Variants in MERTK observed in about 807,000 individuals in gnomAD.
MERTK encodes the protein MER proto-oncogene, tyrosine kinase.
MERTK carries 69 observed loss-of-function variants against 99.3 expected under a neutral mutation model. The observed-to-expected ratio is 0.70, with a 90% confidence interval of 0.57 to 0.85. MERTK has a LOEUF of 0.85. Ranked by LOEUF, MERTK falls within the 40% of genes least tolerant of loss-of-function variation. The pLI is 0.00. For missense variants in MERTK, 1,125 were observed against 1,249.4 expected (o/e 0.90, Z 1.50); for synonymous variants, 426 against 467.6 (o/e 0.91, Z 1.15).
intron 1 of MERTK, among the ~76,000 whole-genome samples, chr2:111,914,206 G>A (rs987869201): frequency 9.5e-5 from 14 of 147,670 alleles, no homozygotes; most frequent in African/African-American, 3.5e-4. Context: ...CCAGGTTCAA[G>A]TGATTCTCCT....
chr2:111,908,659 G>C (rs1684186012), intron 1 of MERTK, among the ~76,000 whole-genome samples: 1 of 152,180 alleles, frequency 6.6e-6, no homozygotes, highest in African/African-American at 2.4e-5. Flanking sequence ...ACCAAAATGG[G>C]AGTATTTTTC....
chr2:111,936,467 T>C (rs1317052899), intron 2 of MERTK, among the ~76,000 whole-genome samples: 1 of 152,230 alleles, frequency 6.6e-6, no homozygotes, highest in Non-Finnish European at 1.5e-5. Context: ...TTGGGGTATA[T>C]ACAAGGGAAG....
chr2:111,980,850 T>A (rs1439282298), intron 7 of MERTK, among the ~76,000 whole-genome samples: 2 of 152,246 alleles, frequency 1.3e-5, no homozygotes, highest in African/African-American at 4.8e-5. Context: ...GAGTTAATTA[T>A]ACCTTCTTCA....
At chr2:111,976,846 T>C (rs1285938990) in intron 7 of MERTK, among the ~76,000 whole-genome samples, 1 of 152,078 alleles carries the variant, frequency 6.6e-6, no homozygotes, top group Non-Finnish European at 1.5e-5. Context: ...TAGCTCTTTT[T>C]CTGTTCTTTT....
intron 4 of MERTK, among the ~76,000 whole-genome samples, chr2:111,957,566 C>G (rs1443778107): frequency 6.6e-6 from 1 of 152,136 alleles, no homozygotes; most frequent in Non-Finnish European, 1.5e-5. Context: ...TCTAATATAT[C>G]ATACATCTTA....
chr2:111,963,137 A>C (rs1685284617), intron 4 of MERTK, among the ~76,000 whole-genome samples: 1 of 152,036 alleles, frequency 6.6e-6, no homozygotes, highest in African/African-American at 2.4e-5. Flanking sequence ...CAAGGTAAAG[A>C]ATTAAGTGCT....
At chr2:111,898,945 G>C (rs1311331778) in intron 1 of MERTK, 149 bp downstream of exon 1, 10 of 880,418 alleles carry the variant, frequency 1.1e-5, no homozygotes, top group Non-Finnish European at 1.7e-5. Context: ...GCCAGAGGAG[G>C]GGGCGTAGGC....
intron 1 of MERTK, among the ~76,000 whole-genome samples, chr2:111,899,701 A>G (rs1684007905): frequency 6.6e-6 from 1 of 152,100 alleles, no homozygotes; most frequent in Non-Finnish European, 1.5e-5. Flanking sequence ...TATTTTTAGT[A>G]GAGACGGGGT....
chr2:111,919,506 A>G (rs764050139), intron 1 of MERTK, among the ~76,000 whole-genome samples: 1 of 152,070 alleles, frequency 6.6e-6, no homozygotes, highest in South Asian at 2.1e-4. Context: ...TTGGAAGAAG[A>G]TAGTGAAAAG....
At chr2:111,936,603 A>G (rs1371844161) in intron 2 of MERTK, among the ~76,000 whole-genome samples, 2 of 152,054 alleles carry the variant, frequency 1.3e-5, no homozygotes, top group Non-Finnish European at 2.9e-5. Context: ...GCCAGGAGTC[A>G]TCTTTGATTA....
chr2:111,949,868 G>A (rs80008554), intron 4 of MERTK, among the ~76,000 whole-genome samples: 56 of 152,194 alleles, frequency 3.7e-4, no homozygotes, highest in African/African-American at 1.2e-3. Flanking sequence ...CATACTTTCC[G>A]TGGCTTCTTC....
At chr2:111,924,895 A>G (rs1271285610) in intron 1 of MERTK, among the ~76,000 whole-genome samples, 2 of 151,886 alleles carry the variant, frequency 1.3e-5, no homozygotes, top group Non-Finnish European at 2.9e-5. Context: ...TATTTTGAGC[A>G]CCTCCTACAT....
intron 18 of MERTK, chr2:112,024,840 G>C (rs1677432095): frequency 6.5e-6 from 1 of 153,224 alleles, no homozygotes; most frequent in Non-Finnish European, 1.5e-5. Flanking sequence ...TGAGGTGGGA[G>C]GATCACTTGA....
intron 1 of MERTK, among the ~76,000 whole-genome samples, chr2:111,917,214 A>G (rs750968922): frequency 6.6e-6 from 1 of 152,102 alleles, no homozygotes; most frequent in Non-Finnish European, 1.5e-5. Context: ...TGGCTCCCAC[A>G]TGGTCCTCAC....
chr2:111,959,592 A>G lies in MERTK; in HGVS notation c.758-5599A>G, dbSNP rs1319875209. On this transcript the variant is annotated intron_variant, in intron 4 of 18. Transcript: ENST00000295408. ...AGGCTCAGGTGATTCAGCCATCTCAACCTGCCAAGTAGCTGGGAATACAGG... is the reference window on the plus strand; with the variant it reads ...AGGCTCAGGTGATTCAGCCATCTCAGCCTGCCAAGTAGCTGGGAATACAGG... 3.3e-5 allele frequency among the ~76,000 whole-genome samples: 5 copies of G among 152,100 alleles called. No homozygotes were observed. The South Asian group carries it at 6.2e-4, about 19-fold the overall frequency.
At chr2:112,002,768 G>A (rs1676895103) in intron 11 of MERTK, among the ~76,000 whole-genome samples, 2 of 152,176 alleles carry the variant, frequency 1.3e-5, no homozygotes, top group Admixed American at 6.5e-5. Context: ...GAGGTCAGGA[G>A]TTCGAGACCA....
At position 111,965,283 on chromosome 2, in the gene MERTK, C is replaced by T; in HGVS notation, c.844+6C>T. On this transcript the variant is annotated splice_donor_region_variant and intron_variant, in intron 5 of 18. Coordinates refer to ENST00000295408, the MANE Select transcript of MERTK (RefSeq NM_006343.3). ...AGTGCAGATCAACATCAAAGGTAAGCAGCAAGGCTAGGCTCCCCATGCATG... is the reference window on the plus strand; with the variant it reads ...AGTGCAGATCAACATCAAAGGTAAGTAGCAAGGCTAGGCTCCCCATGCATG... 1 of 1,613,970 alleles carries T rather than the reference C, an allele frequency of 6.2e-7. No individual in the cohort carries two copies. Among genetic ancestry groups the T allele is most frequent in the African/African-American group, 1.3e-5 (1 of 75,020 alleles).
intron 4 of MERTK, among the ~76,000 whole-genome samples, chr2:111,949,867 C>T (rs1465966666): frequency 6.6e-6 from 1 of 152,118 alleles, no homozygotes. Flanking sequence ...ACATACTTTC[C>T]GTGGCTTCTT....
At chr2:112,002,252 T>C (rs1558803291) in intron 11 of MERTK, among the ~76,000 whole-genome samples, 1 of 152,152 alleles carries the variant, frequency 6.6e-6, no homozygotes, top group Non-Finnish European at 1.5e-5. Flanking sequence ...TTTTCTCCAA[T>C]TCCTCAAAGT....
Sources: allele counts gnomAD v4.1 joint callset (sites outside exome capture counted in the v4.1 genomes callset), GRCh38; gene constraint gnomAD v4.1.1; transcripts MANE v1.5; gene names NCBI Gene and HGNC (gene_info 2026-07-23, HGNC 2026-07-21).